The following CKMT2 variants were observed in gnomAD, a reference collection of about 807,000 sequenced individuals.
CKMT2 encodes creatine kinase, mitochondrial 2.
CKMT2 carries 43 observed loss-of-function variants against 48.9 expected under a neutral mutation model. The ratio of observed to expected loss-of-function variants is 0.88; its 90% CI spans 0.69 to 1.13. CKMT2 has a LOEUF of 1.13. CKMT2 is among the 50% of genes most tolerant of loss of function. The probability of loss-of-function intolerance (pLI) is 0.00; values close to 1 mark genes in which losing one functional copy is unlikely to be tolerated. For missense variants in CKMT2, 472 were observed against 555.4 expected, an observed-to-expected ratio of 0.85 and a Z score of 1.51; for synonymous variants, 206 against 213.0, an observed-to-expected ratio of 0.97 and a Z score of 0.29.
intron 4 of CKMT2, 27 bp from the exon 5 acceptor site, chr5:81,254,966 A>T: frequency 6.3e-7 from 1 of 1,599,870 alleles, no homozygotes; most frequent in South Asian, 1.1e-5. Context: ...GAGGCTGGCC[A>T]CAGTGACCCC....
intron 8 of CKMT2, among the ~76,000 whole-genome samples, chr5:81,261,652 C>T (rs1757228954): frequency 6.6e-6 from 1 of 152,184 alleles, no homozygotes; most frequent in Admixed American, 6.5e-5. Context: ...ATGTGAAGGA[C>T]CTCTTCAAGG....
At chr5:81,254,549 A>T in intron 4 of CKMT2, 58 bp downstream of exon 4, 3 of 1,483,568 alleles carry the variant, frequency 2.0e-6, no homozygotes, top group South Asian at 1.1e-5. Context: ...GCCCAAGGGG[A>T]AGGCCCCTGG....
chr5:81,243,163 T>C (rs180712986), intron 1 of CKMT2, among the ~76,000 whole-genome samples: 6 of 152,156 alleles, frequency 3.9e-5, no homozygotes, highest in East Asian at 1.9e-4. Flanking sequence ...GGGAAGACAA[T>C]ACAAACATTA....
intron 8 of CKMT2, among the ~76,000 whole-genome samples, chr5:81,260,132 C>T (rs979339344): frequency 3.3e-5 from 5 of 152,168 alleles, no homozygotes; most frequent in Admixed American, 6.5e-5. Flanking sequence ...GGGTAAATAA[C>T]GAAATAAAGG....
intron 1 of CKMT2, among the ~76,000 whole-genome samples, chr5:81,236,790 A>C (rs1446476616): frequency 2.0e-5 from 3 of 152,334 alleles, no homozygotes; most frequent in South Asian, 4.1e-4. Context: ...TTTTCAGAGG[A>C]TGATCAGTAG....
intron 4 of CKMT2, 126 bp downstream of exon 4, chr5:81,254,617 G>A: frequency 3.9e-6 from 3 of 771,452 alleles, no homozygotes; most frequent in Non-Finnish European, 6.5e-6. Context: ...GACTGCCCTG[G>A]CACAGCCTTC....
chr5:81,251,596 C>CA (rs1554045912), intron 2 of CKMT2, among the ~76,000 whole-genome samples: 1 of 151,918 alleles, frequency 6.6e-6, no homozygotes, highest in Non-Finnish European at 1.5e-5. Flanking sequence ...CAAAACAAAA[C>CA]AAAACAAAAA....
intron 8 of CKMT2, 112 bp from the exon 9 acceptor site, chr5:81,263,379 A>G: frequency 3.1e-6 from 1 of 318,690 alleles, no homozygotes; most frequent in Non-Finnish European, 5.3e-6. Flanking sequence ...TATTATATAT[A>G]TAAAAAGTTA....
At chr5:81,252,421 A>G in intron 2 of CKMT2, 2 of 474,844 alleles carry the variant, frequency 4.2e-6, no homozygotes, top group East Asian at 4.0e-5. Flanking sequence ...ACAGCACCCA[A>G]TTTGATTTCT....
At position 81,263,621 on chromosome 5, in the gene CKMT2, CGT is replaced by C; in HGVS notation, c.1140+6_1140+7del. 6.2e-7 allele frequency: 1 copy of C among 1,608,322 alleles called. No homozygotes were observed. ...GATAGAATTGGTCGATCAGAGGTAA[CGT>C]CTCTCTCACTTTCCTAACATGAACT... On this transcript the variant is annotated splice_donor_region_variant and intron_variant, in intron 9 of 9. Coordinates refer to ENST00000254035, the MANE Select transcript of CKMT2 (RefSeq NM_001099735.2).
intron 5 of CKMT2, among the ~76,000 whole-genome samples, chr5:81,255,752 CCTTA>C (rs1756985801): frequency 1.3e-5 from 2 of 151,838 alleles, no homozygotes; most frequent in Admixed American, 1.3e-4. Flanking sequence ...AACTCAAGTC[CCTTA>C]CTTATTTTCG....
intron 2 of CKMT2, chr5:81,252,064 G>A (rs13159978): frequency 0.11 from 17,859 of 155,312 alleles, 1,181 homozygotes; most frequent in African/African-American, 0.16. Flanking sequence ...TTTAAGTATC[G>A]GCTCTAAAGG....
At chr5:81,234,461 C>T (rs1444077472) in intron 1 of CKMT2, among the ~76,000 whole-genome samples, 2 of 152,292 alleles carry the variant, frequency 1.3e-5, no homozygotes, top group South Asian at 2.1e-4. Flanking sequence ...CTCATAGAGG[C>T]GAGCATGGCC....
chr5:81,248,785 A>T (rs1396885677), intron 1 of CKMT2, among the ~76,000 whole-genome samples: 1 of 152,218 alleles, frequency 6.6e-6, no homozygotes, highest in Non-Finnish European at 1.5e-5. Flanking sequence ...CCCTACTCAG[A>T]AGAGGCTTGA....
rs972519696 is a variant in CKMT2 at position 81,244,101 on chromosome 5, G to T, written c.-20-7012G>T. 11 of 985,326 alleles carry T rather than the reference G, an allele frequency of 1.1e-5. No homozygotes were observed. In the African/African-American group the frequency reaches 1.2e-4, roughly 11 times the overall value. The allele number at this position is 985,326 out of a possible 1,614,324, so 61.0% of individuals were successfully genotyped here. ...ACTAAACGGGTTGGGGAGGAACCAGGGGAGATGTCAACCGTCTGCCGGTGA... is the reference window on the plus strand; with the variant it reads ...ACTAAACGGGTTGGGGAGGAACCAGTGGAGATGTCAACCGTCTGCCGGTGA... On this transcript the variant is annotated intron_variant, in intron 1 of 9. Coordinates refer to ENST00000254035, the MANE Select transcript of CKMT2 (RefSeq NM_001099735.2).
chr5:81,257,067 C>T (rs1400700653), intron 6 of CKMT2, 67 bp downstream of exon 6: 1 of 1,335,176 alleles, frequency 7.5e-7, no homozygotes, highest in African/African-American at 1.4e-5. Flanking sequence ...CCTGCTTATC[C>T]TAACCTGGAG....
chr5:81,263,913 G>C (rs1330091633), intron 9 of CKMT2, among the ~76,000 whole-genome samples: 2 of 152,186 alleles, frequency 1.3e-5, no homozygotes, highest in Non-Finnish European at 2.9e-5. Context: ...CAGGAGCTCT[G>C]TTATGCTAAA....
intron 7 of CKMT2, 124 bp downstream of exon 7, chr5:81,257,980 A>AATAAAATTACCGTATTGTTTGTT: frequency 1.1e-6 from 1 of 878,086 alleles, no homozygotes; most frequent in Non-Finnish European, 1.7e-6. Context: ...AATCAAAGCA[A>AATAAAATTACCGTATTGTTTGTT]CTGCCGCCTC....
chr5:81,257,003 A>G lies in CKMT2; in HGVS notation c.755+3A>G, dbSNP rs1427680082. 1.9e-6 allele frequency: 3 copies of G among 1,610,326 alleles called. No homozygotes were observed. The highest frequency in any genetic ancestry group is 1.3e-5 in the African/African-American group (1 of 74,816). ...TGGCCAGATGCCAGGGGAATCTGGT[A>G]TGGATGCAGCATTTTCACATTTGCA... On this transcript the variant is annotated splice_donor_region_variant and intron_variant, in intron 6 of 9. Transcript: ENST00000254035.
Sources: allele counts gnomAD v4.1 joint callset (sites outside exome capture counted in the v4.1 genomes callset), GRCh38; gene constraint gnomAD v4.1.1; transcripts MANE v1.5; gene names NCBI Gene and HGNC (gene_info 2026-07-23, HGNC 2026-07-21).